ICA1: variants seen among roughly 807,000 people sequenced by gnomAD.
ICA1 encodes islet cell autoantigen 1.
A neutral mutation model predicts 71.0 loss-of-function variants in ICA1; 40 were observed. The ratio of observed to expected loss-of-function variants is 0.56; its 90% CI spans 0.44 to 0.73. The LOEUF (loss-of-function observed/expected upper bound fraction) is 0.73. Ranked by LOEUF, ICA1 falls within the 30% of genes least tolerant of loss-of-function variation. The pLI is 0.00. For synonymous variants in ICA1, 207 were observed against 209.5 expected (o/e 0.99, Z 0.10); for missense variants, 578 against 576.5 (o/e 1.00, Z -0.03).
intron 12 of ICA1, among the ~76,000 whole-genome samples, chr7:8,131,840 G>C (rs1457610220): frequency 6.6e-6 from 1 of 152,170 alleles, no homozygotes; most frequent in Non-Finnish European, 1.5e-5. Context: ...ACTCAACTGA[G>C]AGATAATGGA....
chr7:8,158,936 G>C (rs905501772), intron 6 of ICA1, among the ~76,000 whole-genome samples: 1 of 152,176 alleles, frequency 6.6e-6, no homozygotes, highest in African/African-American at 2.4e-5. Context: ...AACTGATCAT[G>C]GTTGGGAGAA....
chr7:8,202,888 G>A (rs990092510), intron 6 of ICA1, among the ~76,000 whole-genome samples: 2 of 151,940 alleles, frequency 1.3e-5, no homozygotes, highest in African/African-American at 4.8e-5. Context: ...GGGGGAAAAT[G>A]CAGAGGGGAG....
At chr7:8,187,078 T>C (rs1332201920) in intron 6 of ICA1, among the ~76,000 whole-genome samples, 5 of 152,250 alleles carry the variant, frequency 3.3e-5, no homozygotes, top group African/African-American at 4.8e-5. Context: ...ATTACACTTA[T>C]GTGTCACTTA....
At chr7:8,148,383 G>C (rs1797760984) in intron 8 of ICA1, among the ~76,000 whole-genome samples, 1 of 151,452 alleles carries the variant, frequency 6.6e-6, no homozygotes, top group Non-Finnish European at 1.5e-5. Context: ...CCAAGAATTG[G>C]GTAAAGAATT....
intron 6 of ICA1, among the ~76,000 whole-genome samples, chr7:8,169,124 C>CT (rs1402583478): frequency 2.0e-5 from 3 of 152,028 alleles, no homozygotes; most frequent in Non-Finnish European, 2.9e-5. Flanking sequence ...AGTCTATAGT[C>CT]TTTTTTTGTG....
intron 6 of ICA1, among the ~76,000 whole-genome samples, chr7:8,191,606 G>A (rs147374487): frequency 1.3e-3 from 192 of 152,196 alleles, no homozygotes; most frequent in African/African-American, 4.5e-3. Context: ...ATGCATTTCC[G>A]ATTAGGATAT....
At chr7:8,162,178 A>G (rs1298150166) in intron 6 of ICA1, among the ~76,000 whole-genome samples, 1 of 152,226 alleles carries the variant, frequency 6.6e-6, no homozygotes, top group Admixed American at 6.5e-5. Context: ...TTCACTTGCT[A>G]TAACACAAAG....
intron 8 of ICA1, among the ~76,000 whole-genome samples, chr7:8,146,880 A>ACG (rs1245089896): frequency 4.5e-4 from 36 of 80,788 alleles, no homozygotes; most frequent in East Asian, 3.2e-3. Context: ...ACACACACAC[A>ACG]CGCACACACA....
chr7:8,206,196 T>C (rs1791485092), intron 6 of ICA1, among the ~76,000 whole-genome samples: 1 of 152,218 alleles, frequency 6.6e-6, no homozygotes, highest in Non-Finnish European at 1.5e-5. Context: ...GTGGAGGCTT[T>C]TAAAAGAAAC....
At chr7:8,152,568 ACCACCAC>A (rs1220734592) in intron 8 of ICA1, among the ~76,000 whole-genome samples, 14 of 146,560 alleles carry the variant, frequency 9.6e-5, no homozygotes, top group East Asian at 5.9e-4. Flanking sequence ...CACCACCACC[ACCACCAC>A]CATCTCCTTC....
chr7:8,153,559 A>C (rs1800402236), intron 8 of ICA1, among the ~76,000 whole-genome samples: 1 of 152,134 alleles, frequency 6.6e-6, no homozygotes, highest in African/African-American at 2.4e-5. Flanking sequence ...AGTAAATGAC[A>C]TCCTCGAAAG....
chr7:8,200,970 G>A (rs1378781909), intron 6 of ICA1, among the ~76,000 whole-genome samples: 11 of 152,122 alleles, frequency 7.2e-5, no homozygotes. Flanking sequence ...TTCTCTTGAT[G>A]CCAAAAAACC....
intron 13 of ICA1, among the ~76,000 whole-genome samples, chr7:8,121,083 T>C (rs2128021103): frequency 6.6e-6 from 1 of 152,278 alleles, no homozygotes; most frequent in Non-Finnish European, 1.5e-5. Flanking sequence ...TAAAATGGGA[T>C]CTTGTAGATG....
intron 6 of ICA1, among the ~76,000 whole-genome samples, chr7:8,170,151 C>T (rs1280440696): frequency 1.3e-5 from 2 of 151,992 alleles, no homozygotes; most frequent in Non-Finnish European, 2.9e-5. Flanking sequence ...ACCGCCTTAA[C>T]TTGGCTCTTT....
At chr7:8,166,247 G>T (rs1424984071) in intron 6 of ICA1, among the ~76,000 whole-genome samples, 3 of 151,876 alleles carry the variant, frequency 2.0e-5, no homozygotes, top group Non-Finnish European at 4.4e-5. Context: ...TTTCTCTGTG[G>T]GCCTATATGC....
chr7:8,185,214 A>G (rs957277746), intron 6 of ICA1, among the ~76,000 whole-genome samples: 5 of 152,250 alleles, frequency 3.3e-5, no homozygotes, highest in African/African-American at 1.2e-4. Flanking sequence ...TGTGAAAAAT[A>G]AAAGTAAATT....
Position 8,262,129 on chromosome 7 carries a change from G to C in ICA1, c.-115C>G, listed in dbSNP as rs1216503662. 2 of 152,154 alleles carry C rather than the reference G, an allele frequency of 1.3e-5. No individual in the cohort carries two copies. The highest frequency in any genetic ancestry group is 2.9e-5 in the Non-Finnish European group (2 of 68,036). 9.4% of individuals were successfully genotyped at this position (152,154 alleles called of 1,614,324 possible). On this transcript the variant is annotated 5_prime_UTR_variant, in exon 1 of 14. Transcript: ENST00000402384. ...CGGCCCCCAGGAGCCTCCCGGCCGC[G>C]GTCGGAGCGTCCCTCCGGATCACTC...
At chr7:8,184,618 G>A (rs1440191440) in intron 6 of ICA1, among the ~76,000 whole-genome samples, 2 of 152,294 alleles carry the variant, frequency 1.3e-5, no homozygotes, top group South Asian at 4.1e-4. Flanking sequence ...ACTTAGGTTT[G>A]AGAGAATAAT....
chr7:8,185,561 A>C (rs961190326), intron 6 of ICA1, among the ~76,000 whole-genome samples: 3 of 152,206 alleles, frequency 2.0e-5, no homozygotes, highest in African/African-American at 7.2e-5. Flanking sequence ...GGGCACATCA[A>C]TACATTTTAC....
Sources: allele counts gnomAD v4.1 joint callset (sites outside exome capture counted in the v4.1 genomes callset), GRCh38; gene constraint gnomAD v4.1.1; transcripts MANE v1.5; gene names NCBI Gene and HGNC (gene_info 2026-07-23, HGNC 2026-07-21).